Variants in ZNF667 observed in about 807,000 individuals in gnomAD.
ZNF667 encodes the protein myocardial ischemic preconditioning upregulated 1 ortholog.
ZNF667 carries 13 observed loss-of-function variants against 31.8 expected under a neutral mutation model. That is an observed-to-expected ratio of 0.41 (90% CI 0.27 to 0.65). The LOEUF (loss-of-function observed/expected upper bound fraction) is 0.65, where lower values mean the gene tolerates loss of function less well. Among genes scored for constraint, ZNF667 ranks in the 30% least tolerant of loss-of-function variants. The pLI, the probability that ZNF667 is intolerant of heterozygous loss-of-function variation, is 0.32. For missense variants in ZNF667, 642 were observed against 725.6 expected, an observed-to-expected ratio of 0.88 and a Z score of 1.32; for synonymous variants, 228 against 247.1, an observed-to-expected ratio of 0.92 and a Z score of 0.73.
Position 56,441,944 on chromosome 19 carries a change from T to C in ZNF667, c.1051A>G (p.Ile351Val). The C allele has an allele frequency of 6.2e-7, 1 of 1,614,152 alleles. No individual in the cohort carries two copies. The highest frequency in any genetic ancestry group is 8.5e-7 in the Non-Finnish European group (1 of 1,180,022). ...TTGTACGGTTTCTCTGAAGTGTGAATTCTCTGGTGAAGCATCAGGGGTGAA... is the reference window on the plus strand; with the variant it reads ...TTGTACGGTTTCTCTGAAGTGTGAACTCTCTGGTGAAGCATCAGGGGTGAA... The part of the protein sequence containing the change: ...RISPLMLHQR[I>V]HTSEKPYKCD... Residue 351 changes from isoleucine to valine, a missense_variant, in exon 7 of 7, where the codon ATT becomes GTT. Coordinates refer to ENST00000504904, the MANE Select transcript of ZNF667 (RefSeq NM_001321356.2). The surrounding 1 kb of genome is among the most constrained non-coding windows in gnomAD (Gnocchi z 4.2).
intron 3 of ZNF667, among the ~76,000 whole-genome samples, chr19:56,466,227 T>C (rs2043156485): frequency 6.6e-6 from 1 of 152,152 alleles, no homozygotes; most frequent in Non-Finnish European, 1.5e-5. Context: ...TTGGCTGTAA[T>C]AAATCATTAG....
At chr19:56,459,929 T>G (rs534423152) in intron 5 of ZNF667, among the ~76,000 whole-genome samples, 1 of 151,944 alleles carries the variant, frequency 6.6e-6, no homozygotes, top group African/African-American at 2.4e-5. Flanking sequence ...GAGGCGGAGG[T>G]TGCAGTGAGC....
chr19:56,449,210 A>T, intron 6 of ZNF667: 1 of 396,692 alleles, frequency 2.5e-6, no homozygotes, highest in Non-Finnish European at 4.9e-6. Context: ...ACAAGCCCAG[A>T]CTACAAAGAT....
At chr19:56,459,964 C>T (rs756566892) in intron 5 of ZNF667, among the ~76,000 whole-genome samples, 6 of 151,944 alleles carry the variant, frequency 3.9e-5, no homozygotes, top group Non-Finnish European at 8.8e-5. Context: ...TGCACTCCAG[C>T]CTGGCGAAAG....
At chr19:56,449,450 C>A (rs867429592) in intron 6 of ZNF667, 2 of 253,230 alleles carry the variant, frequency 7.9e-6, no homozygotes, top group Non-Finnish European at 1.6e-5. Context: ...CCAAGGCGGG[C>A]GGGTGGATCA....
intron 3 of ZNF667, among the ~76,000 whole-genome samples, chr19:56,470,213 C>T (rs1298089642): frequency 6.6e-6 from 1 of 152,208 alleles, no homozygotes; most frequent in African/African-American, 2.4e-5. Flanking sequence ...ACCCTCACTG[C>T]TGTTGAGGTT....
Position 56,458,170 on chromosome 19 carries a change from T to A in ZNF667, c.238A>T (p.Arg80Ter), listed in dbSNP as rs760106926. 2 of 1,614,220 alleles carry A rather than the reference T, an allele frequency of 1.2e-6. No homozygotes were observed. Among genetic ancestry groups the A allele is most frequent in the South Asian group, 2.2e-5 (2 of 91,088 alleles). The change falls in exon 6 of 7, where the codon AGA becomes TGA. Residue 80 changes from arginine to a stop codon, truncating the protein, a stop_gained. Transcript: ENST00000504904. LOFTEE classifies it low-confidence loss of function (END_TRUNC). ...KAPWMVEPVR[R>*]RRAPDSGSKC... ...TGTCACTCACCAGGAGCCCGGCGTC[T>A]TCTTACTGGCTCTACCATCCAGGGT...
chr19:56,462,223 C>A, intron 4 of ZNF667, 115 bp downstream of exon 4: 1 of 1,321,848 alleles, frequency 7.6e-7, no homozygotes, highest in Non-Finnish European at 1.1e-6. Context: ...AAACCAAAGA[C>A]TAGGTGTTGG....
At chr19:56,451,667 A>G (rs964121053) in intron 6 of ZNF667, among the ~76,000 whole-genome samples, 1 of 151,992 alleles carries the variant, frequency 6.6e-6, no homozygotes, top group African/African-American at 2.4e-5. Flanking sequence ...TCAATAGTCC[A>G]AGACCAGCCT....
Position 56,440,887 on chromosome 19 carries a change from T to C in ZNF667, c.*275A>G. 2 of 1,194,874 alleles carry C rather than the reference T, an allele frequency of 1.7e-6. No individual in the cohort carries two copies. Among genetic ancestry groups the C allele is most frequent in the Non-Finnish European group, 1.0e-6 (1 of 957,400 alleles). The allele number at this position is 1,194,874 out of a possible 1,614,324, so 74.0% of individuals were successfully genotyped here. A position where few individuals can be genotyped will look rare whatever the true frequency, so the allele number is the denominator to read the frequency against. On this transcript the variant is annotated 3_prime_UTR_variant, in exon 7 of 7. Transcript: ENST00000504904. ...ATCCGCCTGTCTCAGCCTCCCAAAG[T>C]GCTGGGGTTACAGGTGTAAGCCACT...
chr19:56,462,237 G>T, intron 4 of ZNF667, 101 bp downstream of exon 4: 2 of 1,426,522 alleles, frequency 1.4e-6, no homozygotes, highest in South Asian at 1.2e-5. Flanking sequence ...GTGTTGGATG[G>T]ATCTCCAACA....
At chr19:56,476,897 A>T (rs1475974336) in intron 1 of ZNF667, 1 of 153,066 alleles carries the variant, frequency 6.5e-6, no homozygotes, top group Non-Finnish European at 1.5e-5. Flanking sequence ...CTTCACAGTC[A>T]GCGTCACACA....
rs1035917643 is a variant in ZNF667, at chr19:56,441,650, T to G, written c.1345A>C (p.Ser449Arg). ...AATGATTGGCGGCCGAAAACTTTAC[T>G]ACATTTATTGCATTTGAAAGGTTTC... ...EEKPFKCNKC[S>R]KVFGRQSFLI... is the part of the protein sequence containing the mutation. Residue 449 changes from serine to arginine, a missense_variant, in exon 7 of 7, where the codon AGT becomes CGT. Ser to Arg is a moderately radical substitution (Grantham distance 110). Coordinates refer to ENST00000504904, the MANE Select transcript of ZNF667 (RefSeq NM_001321356.2). This position sits in a 1 kb window ranked among gnomAD's most constrained non-coding sequence, Gnocchi z 4.2. 1.9e-6 allele frequency: 3 copies of G among 1,614,038 alleles called. No homozygotes were observed. The highest frequency in any genetic ancestry group is 4.5e-5 in the East Asian group (2 of 44,902).
intron 6 of ZNF667, among the ~76,000 whole-genome samples, chr19:56,452,902 G>C (rs1346849558): frequency 6.7e-6 from 1 of 149,526 alleles, no homozygotes; most frequent in African/African-American, 2.5e-5. Context: ...CTGGGTGACA[G>C]AGCAAGACTC....
At chr19:56,454,131 C>G (rs1220934945) in intron 6 of ZNF667, among the ~76,000 whole-genome samples, 1 of 152,008 alleles carries the variant, frequency 6.6e-6, no homozygotes, top group African/African-American at 2.4e-5. Flanking sequence ...TTAACAAACA[C>G]AGTGAAATTA....
chr19:56,441,545 T>G lies in ZNF667; in HGVS notation c.1450A>C (p.Ile484Leu). 1.2e-6 allele frequency: 2 copies of G among 1,614,220 alleles called. No individual in the cohort carries two copies. The highest frequency in any genetic ancestry group is 1.7e-6 in the Non-Finnish European group (2 of 1,180,040). ...EECGKAFSHR[I>L]SLTRHKRIHT... Reference sequence around the variant, plus strand: ...ATTCTCTTATGTCGTGTGAGAGATATTCGGTGGCTGAAGGCTTTTCCACAT... The same window carrying G: ...ATTCTCTTATGTCGTGTGAGAGATAGTCGGTGGCTGAAGGCTTTTCCACAT... Residue 484 changes from isoleucine to leucine, a missense_variant, in exon 7 of 7, where the codon ATA (isoleucine) becomes CTA (leucine). Transcript: ENST00000504904. The surrounding 1 kb of genome is among the most constrained non-coding windows in gnomAD (Gnocchi z 4.2).
At chr19:56,467,399 A>G (rs1168745678) in intron 3 of ZNF667, among the ~76,000 whole-genome samples, 1 of 152,004 alleles carries the variant, frequency 6.6e-6, no homozygotes, top group Non-Finnish European at 1.5e-5. Flanking sequence ...CACACAAACC[A>G]TTTTTCCTCT....
At chr19:56,470,828 C>A (rs1473234083) in intron 3 of ZNF667, among the ~76,000 whole-genome samples, 1 of 152,182 alleles carries the variant, frequency 6.6e-6, no homozygotes, top group Admixed American at 6.5e-5. Context: ...ACCAAGAGGC[C>A]TGCCCTGAAT....
chr19:56,466,840 C>T (rs1404096676), intron 3 of ZNF667: 1 of 364,582 alleles, frequency 2.7e-6, no homozygotes, highest in South Asian at 2.1e-5. Flanking sequence ...ACAAACAGCC[C>T]TACCTTTAGT....
Sources: allele counts gnomAD v4.1 joint callset (sites outside exome capture counted in the v4.1 genomes callset), GRCh38; gene constraint gnomAD v4.1.1; non-coding constraint Gnocchi (gnomAD v3.1); transcripts MANE v1.5; gene names NCBI Gene and HGNC (gene_info 2026-07-23, HGNC 2026-07-21).